Variants in TENT4B observed in about 807,000 individuals in gnomAD.
The protein encoded by TENT4B is terminal nucleotidyltransferase 4B.
In TENT4B, 10 loss-of-function variants were observed where a neutral mutation model predicts 75.0. The observed-to-expected ratio is 0.13, with a 90% confidence interval of 0.08 to 0.23. The LOEUF is 0.23. Ranked by LOEUF, TENT4B falls within the 10% of genes least tolerant of loss-of-function variation. TENT4B has a pLI of 1.00. For synonymous variants in TENT4B, 350 were observed against 357.7 expected, an observed-to-expected ratio of 0.98 and a Z score of 0.24; for missense variants, 579 against 893.8, an observed-to-expected ratio of 0.65 and a Z score of 4.49.
Position 50,231,299 on chromosome 16 carries a change from A to G in TENT4B, c.*1971A>G. On this transcript the variant is annotated 3_prime_UTR_variant, in exon 12 of 12. Transcript: ENST00000561678. The stretch of plus-strand genomic sequence containing the variant: ...TTGTCATAACATTGTGCATAATCAC[A>G]GTATTTATTTTCTAGGACAATTGTG... The G allele has an allele frequency of 1.0e-6, 1 of 984,466 alleles. No individual in the cohort carries two copies. The highest frequency in any genetic ancestry group is 6.1e-5 in the Admixed American group (1 of 16,270). The allele number at this position is 984,466 out of a possible 1,614,324, so 61.0% of individuals were successfully genotyped here. A position where few individuals can be genotyped will look rare whatever the true frequency, so the allele number is the denominator to read the frequency against.
chr16:50,193,104 A>G (rs1431312599), intron 1 of TENT4B, among the ~76,000 whole-genome samples: 2 of 152,162 alleles, frequency 1.3e-5, no homozygotes, highest in Admixed American at 1.3e-4. Context: ...CTTGTGGACT[A>G]TACAAAAATC....
At chr16:50,175,891 T>G (rs187008370) in intron 1 of TENT4B, among the ~76,000 whole-genome samples, 1 of 152,088 alleles carries the variant, frequency 6.6e-6, no homozygotes. Context: ...CAAGTTATCT[T>G]CTTGCTTCAG....
At chr16:50,154,600 A>C (rs1597211615) in intron 1 of TENT4B, among the ~76,000 whole-genome samples, 1 of 125,626 alleles carries the variant, frequency 8.0e-6, no homozygotes, top group African/African-American at 3.1e-5. Context: ...CTTGACCACC[A>C]CCCCGCCTCC....
chr16:50,172,074 G>T (rs1034532190), intron 1 of TENT4B, among the ~76,000 whole-genome samples: 2 of 151,972 alleles, frequency 1.3e-5, no homozygotes, highest in Non-Finnish European at 2.9e-5. Flanking sequence ...TGTAGGCCAG[G>T]TATAGTGGCT....
intron 6 of TENT4B, among the ~76,000 whole-genome samples, chr16:50,222,716 A>G (rs908806623): frequency 2.6e-5 from 4 of 152,236 alleles, no homozygotes; most frequent in Admixed American, 2.6e-4. Context: ...CCTGGTTTCC[A>G]TAAGCATAAA....
chr16:50,164,017 C>T (rs1304698496), intron 1 of TENT4B, among the ~76,000 whole-genome samples: 6 of 151,588 alleles, frequency 4.0e-5, no homozygotes, highest in East Asian at 4.0e-4. Flanking sequence ...ATTAGCCGGG[C>T]GTGGTGGCAC....
At position 50,234,834 on chromosome 16, in the gene TENT4B, T is replaced by C. The variant is rs1242297598; in HGVS notation, c.*5506T>C. 1 of 985,602 alleles carries C rather than the reference T, an allele frequency of 1.0e-6. No individual in the cohort carries two copies. The highest frequency in any genetic ancestry group is 1.2e-6 in the Non-Finnish European group (1 of 829,928). The allele number at this position is 985,602 out of a possible 1,614,324, so 61.1% of individuals were successfully genotyped here. On this transcript the variant is annotated 3_prime_UTR_variant, in exon 12 of 12. Coordinates refer to ENST00000561678, the MANE Select transcript of TENT4B (RefSeq NM_001365324.3). Reference sequence around the variant, plus strand: ...GGACTGTTGAGTTAAACATTTTTAGTGGAATATACATAGATAACGTGTATT... The same window carrying C: ...GGACTGTTGAGTTAAACATTTTTAGCGGAATATACATAGATAACGTGTATT...
At position 50,234,415 on chromosome 16, in the gene TENT4B, G is replaced by C. The variant is rs2032387227; in HGVS notation, c.*5087G>C. 4.1e-6 allele frequency: 4 copies of C among 985,340 alleles called. No homozygotes were observed. Among genetic ancestry groups the C allele is most frequent in the Non-Finnish European group, 4.8e-6 (4 of 829,956 alleles). 61.0% of individuals were successfully genotyped at this position (985,340 alleles called of 1,614,324 possible). A position where few individuals can be genotyped will look rare whatever the true frequency, so the allele number is the denominator to read the frequency against. On this transcript the variant is annotated 3_prime_UTR_variant, in exon 12 of 12. Transcript: ENST00000561678. ...GAGGTTAGGCCATGCCTTTCAAAGAGAGTGAAATGATGGGTTATCAGCCAC... is the reference window on the plus strand; with the variant it reads ...GAGGTTAGGCCATGCCTTTCAAAGACAGTGAAATGATGGGTTATCAGCCAC...
intron 1 of TENT4B, among the ~76,000 whole-genome samples, chr16:50,161,305 T>G (rs1042735529): frequency 6.6e-6 from 1 of 152,174 alleles, no homozygotes; most frequent in Non-Finnish European, 1.5e-5. Context: ...AAAAAGACAT[T>G]TGAGTTAAAG....
Position 50,234,787 on chromosome 16 carries a change from G to A in TENT4B, c.*5459G>A, listed in dbSNP as rs1275232109. Reference sequence around the variant, plus strand: ...TGAAAAGTGAGGGACGACCAGTGTAGTTTCTGGATATAAAGTGTGAAGGAC... The same window carrying A: ...TGAAAAGTGAGGGACGACCAGTGTAATTTCTGGATATAAAGTGTGAAGGAC... On this transcript the variant is annotated 3_prime_UTR_variant, in exon 12 of 12. Transcript: ENST00000561678. The A allele has an allele frequency of 1.0e-6, 1 of 985,368 alleles. No individual in the cohort carries two copies. The highest frequency in any genetic ancestry group is 1.7e-5 in the African/African-American group (1 of 57,246). The allele number at this position is 985,368 out of a possible 1,614,324, so 61.0% of individuals were successfully genotyped here.
chr16:50,226,370 T>A (rs2032054043), intron 10 of TENT4B, among the ~76,000 whole-genome samples: 1 of 152,240 alleles, frequency 6.6e-6, no homozygotes, highest in Non-Finnish European at 1.5e-5. Context: ...GAATATAGTC[T>A]TGTGTAAGGC....
At position 50,229,605 on chromosome 16, in the gene TENT4B, G is replaced by A. The variant is rs187856961; in HGVS notation, c.*277G>A. The A allele has an allele frequency of 2.6e-6, 3 of 1,135,878 alleles. No individual in the cohort carries two copies. Among genetic ancestry groups the A allele is most frequent in the Admixed American group, 4.9e-5 (1 of 20,222 alleles). 70.4% of individuals were successfully genotyped at this position (1,135,878 alleles called of 1,614,324 possible). On this transcript the variant is annotated 3_prime_UTR_variant, in exon 12 of 12. Transcript: ENST00000561678. ...CAACAGGGTCATTTTAAGATTTAAA[G>A]CTTGAATGTAAAATAAATATATTTC...
chr16:50,221,956 C>T (rs1445956943), intron 5 of TENT4B, among the ~76,000 whole-genome samples: 1 of 151,840 alleles, frequency 6.6e-6, no homozygotes, highest in Admixed American at 6.6e-5. Flanking sequence ...TAGAGATAGG[C>T]GTTTCACCAT....
rs562356536 is a variant in TENT4B, at chr16:50,211,493, C to T, written c.762+47C>T. On this transcript the variant is annotated intron_variant, in intron 2 of 11. Coordinates refer to ENST00000561678, the MANE Select transcript of TENT4B (RefSeq NM_001365324.3). ...TTATGCTTCGGACAGTCCTTGTCCA[C>T]GGGCTAGAAGCCTATCTGCTGGTAT... 3.5e-5 allele frequency: 52 copies of T among 1,502,000 alleles called. No individual in the cohort carries two copies. The South Asian group carries it at 5.2e-4, about 15-fold the overall frequency. 93.0% of individuals were successfully genotyped at this position (1,502,000 alleles called of 1,614,324 possible). A position where few individuals can be genotyped will look rare whatever the true frequency, so the allele number is the denominator to read the frequency against.
intron 1 of TENT4B, among the ~76,000 whole-genome samples, chr16:50,156,758 G>A (rs1269460147): frequency 6.6e-6 from 1 of 152,004 alleles, no homozygotes; most frequent in Non-Finnish European, 1.5e-5. Flanking sequence ...GGGCTCAAGT[G>A]ATCCTCCTGC....
intron 1 of TENT4B, among the ~76,000 whole-genome samples, chr16:50,170,832 C>T (rs994035029): frequency 7.2e-5 from 11 of 151,840 alleles, no homozygotes; most frequent in Admixed American, 4.6e-4. Flanking sequence ...ATGCCTGGCT[C>T]ATTTTTGTAT....
chr16:50,167,762 A>G lies in TENT4B; in HGVS notation c.638+13503A>G, dbSNP rs111933669. Reference sequence around the variant, plus strand: ...ACCCTCTGCCTCCTCGGTTCAAGCAATTCTCATGCTTCAGCACCCGAGTAG... The same window carrying G: ...ACCCTCTGCCTCCTCGGTTCAAGCAGTTCTCATGCTTCAGCACCCGAGTAG... On this transcript the variant is annotated intron_variant, in intron 1 of 11. Transcript: ENST00000561678. Among the ~76,000 whole-genome samples, 276 of 151,994 alleles carry G rather than the reference A, an allele frequency of 1.8e-3. 1 individual carries two copies. The highest frequency in any genetic ancestry group is 5.9e-3 in the African/African-American group (245 of 41,458).
In TENT4B at chr16:50,224,976, C is replaced by A. The variant is rs779903738; in HGVS notation, c.1594C>A (p.Pro532Thr). ...AAAGCAGTGGGGCTTGAAGAATAGA[C>A]CTGAGCCTTCATGCAATGGTAAGAT... ...ISKQWGLKNRPEPSCNGNGVT... is the reference protein window; with the variant it reads ...ISKQWGLKNRTEPSCNGNGVT... Residue 532 changes from proline to threonine, a missense_variant, in exon 9 of 12, where the codon CCT becomes ACT. Physicochemically the swap from Pro to Thr is conservative, Grantham distance 38. Around this residue, in one of 7 missense-constraint regions of TENT4B, gnomAD observed 164 missense variants for 226.5 expected, o/e 0.72. Transcript: ENST00000561678. 1 of 1,613,590 alleles carries A rather than the reference C, an allele frequency of 6.2e-7. No homozygotes were observed. The highest frequency in any genetic ancestry group is 1.1e-5 in the South Asian group (1 of 91,068).
At chr16:50,225,048 T>C (rs762507539) in intron 9 of TENT4B, 50 bp from the exon 10 acceptor site, 1 of 1,608,374 alleles carries the variant, frequency 6.2e-7, no homozygotes, top group Non-Finnish European at 8.5e-7. Flanking sequence ...TTCTGTGTTG[T>C]GTGCGTTTAA....
Sources: allele counts gnomAD v4.1 joint callset (sites outside exome capture counted in the v4.1 genomes callset), GRCh38; gene constraint gnomAD v4.1.1; regional missense constraint gnomAD v4.1.1; transcripts MANE v1.5; gene names NCBI Gene and HGNC (gene_info 2026-07-23, HGNC 2026-07-21).